The following KLF12 variants were observed in gnomAD, a reference collection of about 807,000 sequenced individuals.
KLF12 encodes the protein KLF transcription factor 12, also known as Krueppel-like factor 12.
KLF12 carries 9 observed loss-of-function variants against 37.8 expected under a neutral mutation model. That is an observed-to-expected ratio of 0.24 (90% CI 0.14 to 0.42). KLF12 has a LOEUF of 0.42. Among genes scored for constraint, KLF12 ranks in the 10% least tolerant of loss-of-function variants. KLF12 has a pLI of 1.00. For synonymous variants in KLF12, 208 were observed against 202.1 expected (o/e 1.03, Z -0.25); for missense variants, 411 against 516.0 (o/e 0.80, Z 1.97).
intron 5 of KLF12, among the ~76,000 whole-genome samples, chr13:73,784,465 C>CT (rs1164442852): frequency 6.6e-6 from 1 of 150,740 alleles, no homozygotes; most frequent in Non-Finnish European, 1.5e-5. Context: ...TTCCATAACT[C>CT]TAATACTGAT....
the KLF12 span, among the ~76,000 whole-genome samples, chr13:74,152,043 C>T: frequency 3.9e-5 from 6 of 152,220 alleles, no homozygotes; most frequent in African/African-American, 1.4e-4. Context: ...GCAGTATTTT[C>T]CAAGCACGAG....
At chr13:73,712,730 C>A (rs1875495777) in intron 7 of KLF12, among the ~76,000 whole-genome samples, 1 of 152,196 alleles carries the variant, frequency 6.6e-6, no homozygotes, top group South Asian at 2.1e-4. Flanking sequence ...TAGCAACTAT[C>A]ACCCTGATCA....
At chr13:73,992,192 A>G (rs1207498410) in intron 2 of KLF12, among the ~76,000 whole-genome samples, 2 of 152,218 alleles carry the variant, frequency 1.3e-5, no homozygotes, top group Non-Finnish European at 1.5e-5. Context: ...GGGGAAAGAA[A>G]AATGAAGCAA....
chr13:73,811,076 A>T (rs1385553003), intron 5 of KLF12, among the ~76,000 whole-genome samples: 2 of 130,140 alleles, frequency 1.5e-5, no homozygotes, highest in Admixed American at 2.0e-4. Flanking sequence ...ACCTCTCCCT[A>T]CTGGGTTCAA....
intron 5 of KLF12, among the ~76,000 whole-genome samples, chr13:73,771,906 A>C (rs955572801): frequency 2.6e-5 from 4 of 152,202 alleles, no homozygotes; most frequent in Admixed American, 2.6e-4. Flanking sequence ...GTAGGAAAGC[A>C]CTCCAAGAAG....
intron 6 of KLF12, among the ~76,000 whole-genome samples, chr13:73,763,651 G>A (rs1879711986): frequency 6.6e-6 from 1 of 152,180 alleles, no homozygotes; most frequent in Non-Finnish European, 1.5e-5. Context: ...TGAGAACCAA[G>A]TTATGGAAAC....
intron 1 of KLF12, among the ~76,000 whole-genome samples, chr13:74,128,605 G>A (rs868370752): frequency 6.6e-6 from 1 of 152,216 alleles, no homozygotes; most frequent in Non-Finnish European, 1.5e-5. Flanking sequence ...TTCTGCCACT[G>A]AAATTAGTTG....
At chr13:74,265,530 G>A in the KLF12 span, among the ~76,000 whole-genome samples, 2 of 152,190 alleles carry the variant, frequency 1.3e-5, no homozygotes, top group Admixed American at 1.3e-4. Flanking sequence ...AAGAATATAA[G>A]TAGACCTTTC....
the KLF12 span, among the ~76,000 whole-genome samples, chr13:74,169,661 T>C: frequency 6.6e-6 from 1 of 152,226 alleles, no homozygotes; most frequent in Non-Finnish European, 1.5e-5. Context: ...ATATCCCTTT[T>C]ACATATCCCA....
At chr13:74,143,218 CCATT>C in the KLF12 span, among the ~76,000 whole-genome samples, 1 of 149,156 alleles carries the variant, frequency 6.7e-6, no homozygotes, top group Admixed American at 6.8e-5. Flanking sequence ...CTCTCTCTCT[CCATT>C]AAGACAGAGA....
At chr13:74,037,013 G>C (rs1424991463) in intron 1 of KLF12, among the ~76,000 whole-genome samples, 2 of 151,988 alleles carry the variant, frequency 1.3e-5, no homozygotes, top group African/African-American at 4.8e-5. Context: ...AGACCAGCCT[G>C]GCCAAGATGG....
chr13:74,010,469 C>A (rs992584000), intron 1 of KLF12, among the ~76,000 whole-genome samples: 10 of 152,106 alleles, frequency 6.6e-5, no homozygotes, highest in African/African-American at 2.4e-4. Context: ...CATTCAACAC[C>A]CAGCTTTTCT....
intron 1 of KLF12, among the ~76,000 whole-genome samples, chr13:74,089,602 C>G (rs1460559105): frequency 1.3e-5 from 2 of 151,686 alleles, no homozygotes; most frequent in Non-Finnish European, 2.9e-5. Context: ...TATACCATGG[C>G]CAACTGGGAT....
intron 2 of KLF12, among the ~76,000 whole-genome samples, chr13:73,958,646 T>C (rs1307386886): frequency 1.3e-5 from 2 of 152,152 alleles, no homozygotes; most frequent in African/African-American, 2.4e-5. Context: ...GATTGTATTC[T>C]ATATCTCTTG....
At chr13:73,970,356 G>GT (rs1370766862) in intron 2 of KLF12, among the ~76,000 whole-genome samples, 69 of 150,010 alleles carry the variant, frequency 4.6e-4, no homozygotes, top group African/African-American at 1.6e-3. Context: ...AACTGGTGCT[G>GT]GTTTTTTTTT....
At chr13:73,885,004 C>T (rs1887152403) in intron 3 of KLF12, among the ~76,000 whole-genome samples, 1 of 152,162 alleles carries the variant, frequency 6.6e-6, no homozygotes, top group Non-Finnish European at 1.5e-5. Context: ...TGGCTCTACC[C>T]ATTGTGCTCA....
chr13:73,789,673 CT>C (rs376606853), intron 5 of KLF12, among the ~76,000 whole-genome samples: 3,523 of 141,664 alleles, frequency 0.025, 104 homozygotes, highest in African/African-American at 0.079. Flanking sequence ...TATCTCTAAT[CT>C]TTTTTTTTTT....
chr13:73,840,694 T>C (rs1029678528), intron 4 of KLF12, among the ~76,000 whole-genome samples: 34 of 152,196 alleles, frequency 2.2e-4, no homozygotes, highest in African/African-American at 7.2e-4. Flanking sequence ...ACGATTTTTG[T>C]AAAAGGTAAA....
At position 74,045,170 on chromosome 13, in the gene KLF12, C is replaced by T. The variant is rs1010583710; in HGVS notation, c.-31-50117G>A. On this transcript the variant is annotated intron_variant, in intron 1 of 7. Coordinates refer to ENST00000377669, the MANE Select transcript of KLF12 (RefSeq NM_007249.5). ...TAATAAAGACCATAATCCTTTATTA[C>T]GGAAAAGAACAACTTTACAGTGGAG... 3.9e-5 allele frequency among the ~76,000 whole-genome samples: 6 copies of T among 152,088 alleles called. 1 individual carries two copies. Among genetic ancestry groups the T allele is most frequent in the Admixed American group, 6.5e-5 (1 of 15,270 alleles).
Sources: allele counts gnomAD v4.1 joint callset (sites outside exome capture counted in the v4.1 genomes callset), GRCh38; gene constraint gnomAD v4.1.1; transcripts MANE v1.5; gene names NCBI Gene and HGNC (gene_info 2026-07-23, HGNC 2026-07-21).